The following PDE7A variants were observed in gnomAD, a reference collection of about 807,000 sequenced individuals.
PDE7A encodes the protein high affinity 3',5'-cyclic-AMP phosphodiesterase 7A.
Under a neutral mutation model 64.3 loss-of-function variants are expected in PDE7A, and 39 were observed. That is an observed-to-expected ratio of 0.61 (90% CI 0.47 to 0.79). The LOEUF (loss-of-function observed/expected upper bound fraction) is 0.79. PDE7A is among the 30% of genes least tolerant of loss of function. The pLI is 0.00. For synonymous variants in PDE7A, 203 were observed against 206.8 expected (o/e 0.98, Z 0.16); for missense variants, 470 against 582.8 (o/e 0.81, Z 1.99).
At chr8:65,762,438 G>C (rs1219942588) in intron 3 of PDE7A, among the ~76,000 whole-genome samples, 1 of 152,198 alleles carries the variant, frequency 6.6e-6, no homozygotes, top group East Asian at 1.9e-4. Context: ...AGGCAGAGCA[G>C]CAAAGTACAT....
Position 65,745,489 on chromosome 8 carries a change from A to G in PDE7A, c.436-19T>C. The G allele has an allele frequency of 2.2e-6, 3 of 1,369,112 alleles. No homozygotes were observed. The highest frequency in any genetic ancestry group is 2.3e-5 in the East Asian group (1 of 43,640). The allele number at this position is 1,369,112 out of a possible 1,614,324, so 84.8% of individuals were successfully genotyped here. On this transcript the variant is annotated intron_variant, in intron 4 of 12. Transcript: ENST00000401827. ...GCATACACTGAAATGAAAACCAAAC[A>G]TTTCTACTGTAATTTAATTTCAATA... is the stretch of plus-strand genomic sequence containing the variant.
intron 7 of PDE7A, among the ~76,000 whole-genome samples, chr8:65,732,925 G>A (rs967547129): frequency 5.9e-5 from 9 of 151,880 alleles, no homozygotes; most frequent in African/African-American, 2.2e-4. Context: ...GACCAGGCTG[G>A]TCTCAAACTC....
intron 1 of PDE7A, among the ~76,000 whole-genome samples, chr8:65,819,592 T>C (rs1184100133): frequency 6.6e-6 from 1 of 152,242 alleles, no homozygotes; most frequent in Non-Finnish European, 1.5e-5. Flanking sequence ...TTAGCAGAGC[T>C]AGATATTAAT....
chr8:65,715,285 C>T lies in PDE7A; in HGVS notation c.*4005G>A, dbSNP rs1231734938. Among the ~76,000 whole-genome samples the T allele has an allele frequency of 1.3e-5, 2 of 151,884 alleles. No homozygotes were observed. The highest frequency in any genetic ancestry group is 4.8e-5 in the African/African-American group (2 of 41,310). On this transcript the variant is annotated 3_prime_UTR_variant, in exon 13 of 13. Transcript: ENST00000401827. ...ATGCAGTGTCTCACACCTGTAATCCCAGCACTTTGAGAGGCCACGGTGGCA... is the reference window on the plus strand; with the variant it reads ...ATGCAGTGTCTCACACCTGTAATCCTAGCACTTTGAGAGGCCACGGTGGCA...
intron 3 of PDE7A, among the ~76,000 whole-genome samples, chr8:65,756,791 T>C (rs1808258666): frequency 6.6e-6 from 1 of 152,182 alleles, no homozygotes; most frequent in South Asian, 2.1e-4. Context: ...TCCTGTGGGC[T>C]ATATTTTCCT....
At chr8:65,819,527 G>C (rs763982869) in intron 1 of PDE7A, among the ~76,000 whole-genome samples, 5 of 152,192 alleles carry the variant, frequency 3.3e-5, no homozygotes, top group Non-Finnish European at 5.9e-5. Context: ...GCTGTAATTA[G>C]CATGTCCTTA....
intron 3 of PDE7A, among the ~76,000 whole-genome samples, chr8:65,768,194 C>T (rs1325359303): frequency 6.6e-6 from 1 of 152,172 alleles, no homozygotes; most frequent in African/African-American, 2.4e-5. Flanking sequence ...GTTTTTCCTA[C>T]ACAGTGAGCA....
intron 3 of PDE7A, among the ~76,000 whole-genome samples, chr8:65,755,686 T>C (rs1312113151): frequency 6.6e-6 from 1 of 152,272 alleles, no homozygotes; most frequent in Non-Finnish European, 1.5e-5. Flanking sequence ...GTTTATATAT[T>C]TACTTGTGTA....
chr8:65,723,978 C>T (rs968878334), intron 11 of PDE7A, among the ~76,000 whole-genome samples: 4 of 152,122 alleles, frequency 2.6e-5, no homozygotes, highest in Non-Finnish European at 5.9e-5. Context: ...AAGGATAAAG[C>T]AAGTTCAGGG....
chr8:65,783,865 A>T (rs1245389870), intron 1 of PDE7A, among the ~76,000 whole-genome samples: 20 of 152,232 alleles, frequency 1.3e-4, no homozygotes, highest in Admixed American at 1.2e-3. Context: ...GGATAGATTT[A>T]AAAATGAGGA....
At chr8:65,728,397 G>GT (rs1806696005) in intron 7 of PDE7A, 1 of 152,122 alleles carries the variant, frequency 6.6e-6, no homozygotes, top group Non-Finnish European at 1.5e-5. Context: ...CCTGTGTTAA[G>GT]TTCATCTCAG....
chr8:65,821,817 TAA>T (rs1422002308), intron 1 of PDE7A, among the ~76,000 whole-genome samples: 5 of 152,240 alleles, frequency 3.3e-5, no homozygotes, highest in African/African-American at 7.2e-5. Flanking sequence ...GTTAAATTGA[TAA>T]AGTTTTACAT....
rs80138443 is a variant in PDE7A, at chr8:65,759,842, C to T, written c.284-12039G>A. On this transcript the variant is annotated intron_variant, in intron 3 of 12. Coordinates refer to ENST00000401827, the MANE Select transcript of PDE7A (RefSeq NM_001242318.3). ...GTCCAGAAACAACCATTGTTAACAC[C>T]CCACCCTGGTACTCTAGATTTTTTT... 2.4e-3 allele frequency among the ~76,000 whole-genome samples: 359 copies of T among 152,146 alleles called. 1 individual carries two copies. The highest frequency in any genetic ancestry group is 8.3e-3 in the African/African-American group (344 of 41,488).
At chr8:65,814,410 C>T in intron 1 of PDE7A, among the ~76,000 whole-genome samples, 1 of 141,594 alleles carries the variant, frequency 7.1e-6, no homozygotes, top group Non-Finnish European at 1.5e-5. Context: ...ACTTGGGAGG[C>T]TGAGGCAGGA....
intron 1 of PDE7A, among the ~76,000 whole-genome samples, chr8:65,801,560 A>T (rs939669806): frequency 6.6e-6 from 1 of 152,292 alleles, no homozygotes; most frequent in Admixed American, 6.5e-5. Flanking sequence ...AACTCTTACT[A>T]ACGGAATACA....
chr8:65,780,524 A>G (rs1809385022), intron 2 of PDE7A, among the ~76,000 whole-genome samples: 1 of 152,196 alleles, frequency 6.6e-6, no homozygotes, highest in African/African-American at 2.4e-5. Flanking sequence ...CAACATAACC[A>G]TAGCAACCAT....
In PDE7A at chr8:65,732,097, C is replaced by G. The variant is rs965645829; in HGVS notation, c.696+2697G>C. Among the ~76,000 whole-genome samples, 93 of 152,140 alleles carry G rather than the reference C, an allele frequency of 6.1e-4. 1 individual carries two copies. The highest frequency in any genetic ancestry group is 6.1e-3 in the Admixed American group (93 of 15,284). ...CACTGGAACCTCTGCCTCCCAGGTT[C>G]AAGGGATTCTCATGTCTCAGCCTCC... On this transcript the variant is annotated intron_variant, in intron 7 of 12. Transcript: ENST00000401827.
chr8:65,793,112 A>G (rs1349987474), intron 1 of PDE7A, among the ~76,000 whole-genome samples: 2 of 152,196 alleles, frequency 1.3e-5, no homozygotes, highest in Non-Finnish European at 2.9e-5. Context: ...TTAAGAACCA[A>G]ACAGAGCCCC....
chr8:65,777,777 T>C (rs1352485101), intron 3 of PDE7A, among the ~76,000 whole-genome samples: 1 of 152,238 alleles, frequency 6.6e-6, no homozygotes, highest in African/African-American at 2.4e-5. Flanking sequence ...AATCTCATAA[T>C]TGCTCCTTTG....
Sources: gnomAD v4.1 joint callset for allele counts (sites outside exome capture counted in the v4.1 genomes callset) on GRCh38, gnomAD v4.1.1 for gene constraint, MANE v1.5 for transcripts, NCBI Gene and HGNC (gene_info 2026-07-23, HGNC 2026-07-21) for gene names.